The following RXFP3 variants were observed in gnomAD, a reference collection of about 807,000 sequenced individuals.
RXFP3 encodes relaxin family peptide receptor 3.
Under a neutral mutation model 27.3 loss-of-function variants are expected in RXFP3, and 31 were observed. The observed-to-expected ratio is 1.13, with a 90% CI of 0.85 to 1.53. RXFP3 has a LOEUF of 1.53. Ranked by LOEUF, RXFP3 falls within the 40% of genes most tolerant of loss-of-function variation. The pLI, the probability that RXFP3 is intolerant of heterozygous loss-of-function variation, is 0.00. For missense variants in RXFP3, 684 were observed against 642.1 expected (o/e 1.07, Z -0.70); for synonymous variants, 351 against 293.6 (o/e 1.20, Z -2.00).
chr5:33,936,603 C>G lies in RXFP3; in HGVS notation c.-138C>G. On this transcript the variant is annotated 5_prime_UTR_variant, in exon 1 of 1. Transcript: ENST00000330120. Reference sequence around the variant, plus strand: ...TGCGCGCCAGGACGCGCTTAGTACCCAGTTCCTGGGCTCTCTCTTCAGTAG... The same window carrying G: ...TGCGCGCCAGGACGCGCTTAGTACCGAGTTCCTGGGCTCTCTCTTCAGTAG... The G allele has an allele frequency of 1.0e-5, 8 of 788,590 alleles. No individual in the cohort carries two copies. The highest frequency in any genetic ancestry group is 1.3e-5 in the Non-Finnish European group (7 of 533,180). The allele number at this position is 788,590 out of a possible 1,614,324, so 48.8% of individuals were successfully genotyped here.
rs773463511 is a variant in RXFP3 at position 33,937,078 on chromosome 5, G to A, written c.338G>A (p.Arg113His). 1.2e-6 allele frequency: 2 copies of A among 1,614,208 alleles called. No individual in the cohort carries two copies. Among genetic ancestry groups the A allele is most frequent in the South Asian group, 1.1e-5 (1 of 91,072 alleles). The change falls in exon 1 of 1, where the codon CGC (arginine) becomes CAC (histidine). Residue 113 changes from arginine to histidine, a missense_variant. By Grantham distance (29) the Arg-to-His change is conservative. Transcript: ENST00000330120. Reference sequence around the variant, plus strand: ...CTGATGAAGAGCATGCAGGGCTGGCGCAAGTCCTCTATCAACCTCTTCGTC... The same window carrying A: ...CTGATGAAGAGCATGCAGGGCTGGCACAAGTCCTCTATCAACCTCTTCGTC... ...LYLMKSMQGW[R>H]KSSINLFVTN...
At position 33,936,699 on chromosome 5, in the gene RXFP3, T is replaced by C; in HGVS notation, c.-42T>C. 1.3e-6 allele frequency: 2 copies of C among 1,492,698 alleles called. No individual in the cohort carries two copies. Among genetic ancestry groups the C allele is most frequent in the Non-Finnish European group, 1.8e-6 (2 of 1,116,374 alleles). 92.5% of individuals were successfully genotyped at this position (1,492,698 alleles called of 1,614,324 possible). On this transcript the variant is annotated 5_prime_UTR_variant, in exon 1 of 1. Coordinates refer to ENST00000330120, the MANE Select transcript of RXFP3 (RefSeq NM_016568.3). ...CAAAACTGGGGTAAACCGTGTTATCTTAGGTCTTGTCCCCCAGAACATGAC... is the reference window on the plus strand; with the variant it reads ...CAAAACTGGGGTAAACCGTGTTATCCTAGGTCTTGTCCCCCAGAACATGAC...
chr5:33,937,089 AT>A lies in RXFP3; in HGVS notation c.350del (p.Ile117ThrfsTer10). 6.2e-7 allele frequency: 1 copy of A among 1,614,156 alleles called. No homozygotes were observed. Among genetic ancestry groups the A allele is most frequent in the Non-Finnish European group, 8.5e-7 (1 of 1,179,972 alleles). ...KSMQGWRKSS[I>X]NLFVTNLALT... ...CATGCAGGGCTGGCGCAAGTCCTCT[AT>A]CAACCTCTTCGTCACCAACCTGGCG... On this transcript the variant is annotated frameshift_variant, in exon 1 of 1. Transcript: ENST00000330120. LOFTEE classifies it high-confidence loss of function.
chr5:33,937,253 C>A lies in RXFP3; in HGVS notation c.513C>A (p.Phe171Leu), dbSNP rs1561348635. ...VTSMNMYASV[F>L]FLTAMSVTRY... ...CCATGAACATGTACGCCAGCGTGTT[C>A]TTCCTCACTGCCATGAGTGTGACGC... The change falls in exon 1 of 1, where the codon TTC becomes TTA. Residue 171 changes from phenylalanine to leucine, a missense_variant. Coordinates refer to ENST00000330120, the MANE Select transcript of RXFP3 (RefSeq NM_016568.3). The A allele has an allele frequency of 6.2e-7, 1 of 1,613,974 alleles. No individual in the cohort carries two copies. Among genetic ancestry groups the A allele is most frequent in the East Asian group, 2.2e-5 (1 of 44,870 alleles).
chr5:33,937,933 A>G lies in RXFP3; in HGVS notation c.1193A>G (p.Lys398Arg). ...LYCLVRREFR[K>R]ALKSLLWRIA... ...TGCCTCGTGCGCCGCGAGTTCCGCA[A>G]GGCGCTCAAGAGCCTGCTGTGGCGC... Residue 398 changes from lysine (K) to arginine (R), a missense_variant, in exon 1 of 1, where the codon AAG (lysine) becomes AGG (arginine). By Grantham distance (26) the Lys-to-Arg change is conservative (BLOSUM62 2). Transcript: ENST00000330120. 6.2e-7 allele frequency: 1 copy of G among 1,613,590 alleles called. No individual in the cohort carries two copies. The highest frequency in any genetic ancestry group is 8.5e-7 in the Non-Finnish European group (1 of 1,180,012).
In RXFP3 at chr5:33,936,662, C is replaced by G. The variant is rs2111879978; in HGVS notation, c.-79C>G. On this transcript the variant is annotated 5_prime_UTR_variant, in exon 1 of 1. Transcript: ENST00000330120. ...AAAGCTCCCACGCACGTCCCGCAGGCTAGCCTGGCAACAAAACTGGGGTAA... is the reference window on the plus strand; with the variant it reads ...AAAGCTCCCACGCACGTCCCGCAGGGTAGCCTGGCAACAAAACTGGGGTAA... 2 of 1,382,162 alleles carry G rather than the reference C, an allele frequency of 1.4e-6. No individual in the cohort carries two copies. Among genetic ancestry groups the G allele is most frequent in the Admixed American group, 4.9e-5 (2 of 41,046 alleles). The allele number at this position is 1,382,162 out of a possible 1,614,324, so 85.6% of individuals were successfully genotyped here.
Position 33,937,357 on chromosome 5 carries a change from T to TG in RXFP3, c.622dup (p.Asp208GlyfsTer288). 1 of 1,612,802 alleles carries TG rather than the reference T, an allele frequency of 6.2e-7. No homozygotes were observed. ...CGGGGCGACTGCTGCGGCCGGAGCC[T>TG]GGGGGACAGCTGCTGCTTCTCGGCC... On this transcript the variant is annotated frameshift_variant, in exon 1 of 1. Coordinates refer to ENST00000330120, the MANE Select transcript of RXFP3 (RefSeq NM_016568.3). LOFTEE classifies it high-confidence loss of function.
At position 33,938,900 on chromosome 5, in the gene RXFP3, G is replaced by T. The variant is rs978892499; in HGVS notation, c.*750G>T. 2.0e-5 allele frequency among the ~76,000 whole-genome samples: 3 copies of T among 152,224 alleles called. No homozygotes were observed. The highest frequency in any genetic ancestry group is 7.2e-5 in the African/African-American group (3 of 41,454). On this transcript the variant is annotated 3_prime_UTR_variant, in exon 1 of 1. Transcript: ENST00000330120. The stretch of plus-strand genomic sequence containing the variant: ...CACCAGCTTGGGAGAGCCATTCTCT[G>T]GGGAGTGTCGTCGCTGCGGGAGGGA...
chr5:33,937,642 G>A lies in RXFP3; in HGVS notation c.902G>A (p.Gly301Glu), dbSNP rs1446754098. ...TTCATCGCCGACCGCCGCGCGGCGG[G>A]GACCAAAGGAGGGGCCGCGGTAGCC... ...VRFIADRRAAGTKGGAAVAGG... is the reference protein window; with the variant it reads ...VRFIADRRAAETKGGAAVAGG... Residue 301 changes from glycine to glutamate, a missense_variant, in exon 1 of 1, where the codon GGG (glycine) becomes GAG (glutamate). Coordinates refer to ENST00000330120, the MANE Select transcript of RXFP3 (RefSeq NM_016568.3). 6 of 1,600,800 alleles carry A rather than the reference G, an allele frequency of 3.7e-6. No homozygotes were observed. The highest frequency in any genetic ancestry group is 5.1e-6 in the Non-Finnish European group (6 of 1,173,848).
At position 33,938,408 on chromosome 5, in the gene RXFP3, T is replaced by C; in HGVS notation, c.*258T>C. On this transcript the variant is annotated 3_prime_UTR_variant, in exon 1 of 1. Coordinates refer to ENST00000330120, the MANE Select transcript of RXFP3 (RefSeq NM_016568.3). Reference sequence around the variant, plus strand: ...CACGGGCCAGACAGCCAACCTCCGCTCCGCACCCCACAGCCTCTCCTTACT... The same window carrying C: ...CACGGGCCAGACAGCCAACCTCCGCCCCGCACCCCACAGCCTCTCCTTACT... 6.6e-6 allele frequency among the ~76,000 whole-genome samples: 1 copy of C among 152,152 alleles called. No homozygotes were observed. Among genetic ancestry groups the C allele is most frequent in the East Asian group, 1.9e-4 (1 of 5,182 alleles).
Position 33,936,830 on chromosome 5 carries a change from C to G in RXFP3, c.90C>G (p.Asp30Glu). ...CAGAACTCTTCAGTCTGGTCCCGGA[C>G]CTTCTGGAGGCGGCCAACACGAGTG... is the stretch of plus-strand genomic sequence containing the variant. Reference protein sequence around the residue: ...KLAELFSLVPDLLEAANTSGN... With the variant: ...KLAELFSLVPELLEAANTSGN... Residue 30 changes from aspartate to glutamate, a missense_variant, in exon 1 of 1, where the codon GAC becomes GAG. Physicochemically the swap from Asp to Glu is conservative, Grantham distance 45 (BLOSUM62 2). Coordinates refer to ENST00000330120, the MANE Select transcript of RXFP3 (RefSeq NM_016568.3). 6.3e-7 allele frequency: 1 copy of G among 1,587,346 alleles called. No homozygotes were observed. The highest frequency in any genetic ancestry group is 8.6e-7 in the Non-Finnish European group (1 of 1,162,502).
In RXFP3 at chr5:33,938,336, G is replaced by A; in HGVS notation, c.*186G>A. 1.6e-6 allele frequency: 1 copy of A among 625,446 alleles called. No individual in the cohort carries two copies. The highest frequency in any genetic ancestry group is 2.8e-6 in the Non-Finnish European group (1 of 352,804). The allele number at this position is 625,446 out of a possible 1,614,324, so 38.7% of individuals were successfully genotyped here. The stretch of plus-strand genomic sequence containing the variant: ...ACCTTCTCTGGAGAGGAGATGCTTC[G>A]AAATCGGGTGGAGAGAGGAAATTGG... On this transcript the variant is annotated 3_prime_UTR_variant, in exon 1 of 1. Coordinates refer to ENST00000330120, the MANE Select transcript of RXFP3 (RefSeq NM_016568.3).
Position 33,938,152 on chromosome 5 carries a change from G to T in RXFP3, c.*2G>T. On this transcript the variant is annotated 3_prime_UTR_variant, in exon 1 of 1. Coordinates refer to ENST00000330120, the MANE Select transcript of RXFP3 (RefSeq NM_016568.3). The stretch of plus-strand genomic sequence containing the variant: ...CTGCCCAGCAGCTCTGCCTACTGAC[G>T]CAGGCCTCAGGCCCAGGGCGCGCCG... The T allele has an allele frequency of 1.3e-6, 2 of 1,588,238 alleles. No homozygotes were observed. Among genetic ancestry groups the T allele is most frequent in the African/African-American group, 1.3e-5 (1 of 74,148 alleles).
chr5:33,937,784 G>C lies in RXFP3; in HGVS notation c.1044G>C (p.Trp348Cys), dbSNP rs1262442970. ...TGCCCAACCAGGCGCTCACCACCTG[G>C]AGCATCCTCATCAAGTTCAACGCGG... ...CWLPNQALTT[W>C]SILIKFNAVP... is the part of the protein sequence containing the mutation. The change falls in exon 1 of 1, where the codon TGG becomes TGC. Residue 348 changes from tryptophan (W) to cysteine (C), a missense_variant. Transcript: ENST00000330120. The C allele has an allele frequency of 1.2e-6, 2 of 1,614,000 alleles. No individual in the cohort carries two copies. The highest frequency in any genetic ancestry group is 2.7e-5 in the African/African-American group (2 of 74,924).
chr5:33,937,865 G>T lies in RXFP3; in HGVS notation c.1125G>T (p.Val375=), dbSNP rs1751707918. 1 of 1,614,120 alleles carries T rather than the reference G, an allele frequency of 6.2e-7. No homozygotes were observed. Among genetic ancestry groups the T allele is most frequent in the African/African-American group, 1.3e-5 (1 of 75,056 alleles). ...AGGTATACGCGTTCCCTGTGAGCGTGTGCCTAGCGCACTCCAACAGCTGCC... is the reference window on the plus strand; with the variant it reads ...AGGTATACGCGTTCCCTGTGAGCGTTTGCCTAGCGCACTCCAACAGCTGCC... ...LCQVYAFPVS[V]CLAHSNSCLN... is the part of the protein sequence containing the mutation. The change falls in exon 1 of 1, where the codon GTG becomes GTT. Residue 375 remains valine (V), a synonymous_variant. Transcript: ENST00000330120.
chr5:33,936,972 G>A lies in RXFP3; in HGVS notation c.232G>A (p.Ala78Thr). The A allele has an allele frequency of 2.5e-6, 4 of 1,611,296 alleles. No individual in the cohort carries two copies. In the South Asian group the frequency reaches 4.4e-5, roughly 18 times the overall value. ...SGGAESADTE[A>T]RVRILISVVY... ...CGGGGCAGAGAGCGCGGACACAGAG[G>A]CCCGGGTGCGGATTCTCATCAGCGT... Residue 78 changes from alanine to threonine, a missense_variant, in exon 1 of 1, where the codon GCC becomes ACC. Physicochemically the swap from Ala to Thr is moderately conservative, Grantham distance 58. Transcript: ENST00000330120.
In RXFP3 at chr5:33,937,983, A is replaced by T. The variant is rs1016818164; in HGVS notation, c.1243A>T (p.Met415Leu). 1.2e-6 allele frequency: 2 copies of T among 1,612,850 alleles called. No individual in the cohort carries two copies. The highest frequency in any genetic ancestry group is 1.7e-6 in the Non-Finnish European group (2 of 1,180,020). ...CATCGCGTCTCCTTCGATCACCAGCATGCGCCCCTTCACCGCCACTACCAA... is the reference window on the plus strand; with the variant it reads ...CATCGCGTCTCCTTCGATCACCAGCTTGCGCCCCTTCACCGCCACTACCAA... ...WRIASPSITS[M>L]RPFTATTKPE... The change falls in exon 1 of 1, where the codon ATG (methionine) becomes TTG (leucine). Residue 415 changes from methionine (M) to leucine (L), a missense_variant. Transcript: ENST00000330120.
chr5:33,937,716 A>C lies in RXFP3; in HGVS notation c.976A>C (p.Lys326Gln). 5.6e-6 allele frequency: 9 copies of C among 1,613,728 alleles called. No homozygotes were observed. The highest frequency in any genetic ancestry group is 7.6e-6 in the Non-Finnish European group (9 of 1,179,948). ...CGCCCGGAGACTGTCGAAGGTCACC[A>C]AATCAGTGACCATCGTTGTCCTGTC... The part of the protein sequence containing the change: ...ASARRLSKVT[K>Q]SVTIVVLSFF... The change falls in exon 1 of 1, where the codon AAA becomes CAA. Residue 326 changes from lysine (K) to glutamine (Q), a missense_variant. Coordinates refer to ENST00000330120, the MANE Select transcript of RXFP3 (RefSeq NM_016568.3).
rs756087176 is a variant in RXFP3 at position 33,936,696 on chromosome 5, A to T, written c.-45A>T. 1.3e-6 allele frequency: 2 copies of T among 1,490,126 alleles called. No homozygotes were observed. The highest frequency in any genetic ancestry group is 9.0e-7 in the Non-Finnish European group (1 of 1,115,036). 92.3% of individuals were successfully genotyped at this position (1,490,126 alleles called of 1,614,324 possible). On this transcript the variant is annotated 5_prime_UTR_variant, in exon 1 of 1. Transcript: ENST00000330120. ...CAACAAAACTGGGGTAAACCGTGTT[A>T]TCTTAGGTCTTGTCCCCCAGAACAT... is the stretch of plus-strand genomic sequence containing the variant.
Sources: gnomAD v4.1 joint callset for allele counts (sites outside exome capture counted in the v4.1 genomes callset) on GRCh38, gnomAD v4.1.1 for gene constraint, MANE v1.5 for transcripts, NCBI Gene and HGNC (gene_info 2026-07-23, HGNC 2026-07-21) for gene names.